COL5A3: variants seen among roughly 807,000 people sequenced by gnomAD.
COL5A3 encodes the protein collagen alpha-3(V) chain.
COL5A3 carries 172 observed loss-of-function variants against 250.0 expected under a neutral mutation model. The observed-to-expected ratio is 0.69, with a 90% CI of 0.61 to 0.78. The LOEUF (loss-of-function observed/expected upper bound fraction) is 0.78, where lower values mean the gene tolerates loss of function less well. Ranked by LOEUF, COL5A3 falls within the 30% of genes least tolerant of loss-of-function variation. The pLI is 0.00. For synonymous variants in COL5A3, 937 were observed against 900.4 expected, an observed-to-expected ratio of 1.04 and a Z score of -0.73; for missense variants, 2,340 against 2,334.4, an observed-to-expected ratio of 1.00 and a Z score of -0.05.
chr19:9,985,803 G>A (rs1219770512), intron 31 of COL5A3, 39 bp downstream of exon 31: 1 of 1,574,218 alleles, frequency 6.4e-7, no homozygotes, highest in Non-Finnish European at 8.7e-7. Flanking sequence ...TCTGAATCCT[G>A]CCCATATCCA....
intron 8 of COL5A3, among the ~76,000 whole-genome samples, chr19:10,000,528 C>G (rs1242400771): frequency 7.0e-6 from 1 of 142,142 alleles, no homozygotes; most frequent in African/African-American, 2.6e-5. Flanking sequence ...AAACTCCTGG[C>G]CTCAAGCGAT....
At chr19:10,006,293 G>A in intron 1 of COL5A3, 62 bp from the exon 2 acceptor site, 6 of 1,482,362 alleles carry the variant, frequency 4.0e-6, no homozygotes, top group Non-Finnish European at 5.4e-6. Context: ...ATAAGCCCAG[G>A]ACTCCAGGAT....
rs577347857 is a variant in COL5A3, at chr19:10,009,495, G to C, written c.88+803C>G. Among the ~76,000 whole-genome samples, 73 of 152,028 alleles carry C rather than the reference G, an allele frequency of 4.8e-4. No homozygotes were observed. The highest frequency in any genetic ancestry group is 6.8e-3 in the Middle Eastern group (2 of 292). On this transcript the variant is annotated intron_variant, in intron 1 of 66. Coordinates refer to ENST00000264828, the MANE Select transcript of COL5A3 (RefSeq NM_015719.4). The surrounding 1 kb of genome is among the most constrained non-coding windows in gnomAD (Gnocchi z 4.4). ...AGGCTCCAGCAGCTGGGGTGGGGAG[G>C]GGGGGAGCAACTTCCACTCCTGCCC...
intron 8 of COL5A3, among the ~76,000 whole-genome samples, chr19:9,999,034 T>TTC (rs571564568): frequency 0.17 from 17,756 of 101,900 alleles, 1,132 homozygotes; most frequent in African/African-American, 0.23. Context: ...TTCTCTTTCT[T>TTC]TTTCTTTCTC....
At chr19:9,992,132 G>A in intron 21 of COL5A3, 84 bp from the exon 22 acceptor site, 1 of 1,220,372 alleles carries the variant, frequency 8.2e-7, no homozygotes, top group Non-Finnish European at 1.2e-6. Flanking sequence ...CAGGTGGAAA[G>A]GTGAGCAGGG....
Position 10,006,074 on chromosome 19 carries a change from T to C in COL5A3, c.246A>G (p.Pro82=), listed in dbSNP as rs1368088430. The change falls in exon 2 of 67, where the codon CCA becomes CCG. Residue 82 remains proline (P), a splice_region_variant and synonymous_variant. Transcript: ENST00000264828. ...TLGIPTWELF[P]EGHFPENFSL... is the part of the protein sequence containing the mutation. The stretch of plus-strand genomic sequence containing the variant: ...CCCAGGCCTCCTACTCCAACTCACC[T>C]GGAAAGAGTTCCCACGTGGGGATGC... 1.9e-6 allele frequency: 3 copies of C among 1,613,780 alleles called. No individual in the cohort carries two copies. In the Admixed American group the frequency reaches 5.0e-5, roughly 27 times the overall value.
chr19:10,001,948 T>C, intron 6 of COL5A3, 67 bp from the exon 7 acceptor site: 1 of 1,114,904 alleles, frequency 9.0e-7, no homozygotes, highest in African/African-American at 1.5e-5. Context: ...GGAGGCACCC[T>C]CCCACTGTCC....
Position 9,966,755 on chromosome 19 carries a change from AG to A in COL5A3, c.4459-10del, listed in dbSNP as rs1260745243. 1 of 1,516,222 alleles carries A rather than the reference AG, an allele frequency of 6.6e-7. No homozygotes were observed. Among genetic ancestry groups the A allele is most frequent in the Admixed American group, 2.0e-5 (1 of 50,412 alleles). The allele number at this position is 1,516,222 out of a possible 1,614,324, so 93.9% of individuals were successfully genotyped here. ...AGCTCGGCAGGGGCACCCTGGGCGT[AG>A]GGGATGGGGACGGAGAAGAGAGGGG... On this transcript the variant is annotated splice_polypyrimidine_tract_variant and intron_variant, in intron 62 of 66. Coordinates refer to ENST00000264828, the MANE Select transcript of COL5A3 (RefSeq NM_015719.4).
At chr19:10,005,175 G>C (rs898720602) in intron 4 of COL5A3, among the ~76,000 whole-genome samples, 1 of 152,102 alleles carries the variant, frequency 6.6e-6, no homozygotes, top group Non-Finnish European at 1.5e-5. Flanking sequence ...TGGCCAACGT[G>C]TCAAAACCTT....
chr19:9,961,770 G>T (rs1276461475), intron 65 of COL5A3, among the ~76,000 whole-genome samples: 1 of 152,038 alleles, frequency 6.6e-6, no homozygotes, highest in African/African-American at 2.4e-5. Flanking sequence ...ATGTTAGCCA[G>T]GATGGTCTCG....
In COL5A3 at chr19:9,982,087, G is replaced by A. The variant is rs746421932; in HGVS notation, c.2438C>T (p.Pro813Leu). The A allele has an allele frequency of 2.5e-6, 4 of 1,608,176 alleles. No homozygotes were observed. The South Asian group carries it at 4.4e-5, about 18-fold the overall frequency. The change falls in exon 32 of 67, where the codon CCC (proline) becomes CTC (leucine). Residue 813 changes from proline to leucine, a missense_variant. By Grantham distance (98) the Pro-to-Leu change is moderately conservative. Transcript: ENST00000264828. Reference protein sequence around the residue: ...GSIGFPGPLGPIGEKGKSGKT... With the variant: ...GSIGFPGPLGLIGEKGKSGKT... The stretch of plus-strand genomic sequence containing the variant: ...CACCGACTTCCCTTTCTCTCCTATG[G>A]GTCCCAGGGGACCGGGAAATCCAAT...
At chr19:9,985,291 G>A (rs10425985) in intron 31 of COL5A3, among the ~76,000 whole-genome samples, 4,033 of 130,824 alleles carry the variant, frequency 0.031, 183 homozygotes, top group African/African-American at 0.11. Context: ...ATGGAGTTTC[G>A]TTCTTGTTGC....
At chr19:9,989,936 G>C (rs2087161417) in intron 24 of COL5A3, among the ~76,000 whole-genome samples, 2 of 151,864 alleles carry the variant, frequency 1.3e-5, no homozygotes, top group South Asian at 4.2e-4. Flanking sequence ...AATTTTATTA[G>C]AGATGGAGTT....
chr19:9,963,805 G>GC (rs2086703589), intron 64 of COL5A3, among the ~76,000 whole-genome samples: 2 of 152,134 alleles, frequency 1.3e-5, no homozygotes, highest in South Asian at 4.1e-4. Flanking sequence ...GGAAGTCCAA[G>GC]CTTGTCTAAA....
chr19:10,001,732 A>G (rs1462901812), intron 7 of COL5A3, 36 bp downstream of exon 7: 1 of 1,611,540 alleles, frequency 6.2e-7, no homozygotes, highest in Non-Finnish European at 8.5e-7. Flanking sequence ...CACCCCCGTA[A>G]CCCTTGGGGT....
rs573609181 is a variant in COL5A3, at chr19:9,970,786, C to G, written c.3883-111G>C. 5 of 1,046,762 alleles carry G rather than the reference C, an allele frequency of 4.8e-6. No individual in the cohort carries two copies. In the East Asian group the frequency reaches 1.3e-4, roughly 26 times the overall value. The allele number at this position is 1,046,762 out of a possible 1,614,324, so 64.8% of individuals were successfully genotyped here. A position where few individuals can be genotyped will look rare whatever the true frequency, so the allele number is the denominator to read the frequency against. ...CCTTCCCCAAGCCTCACCCCAGCACCGGGTACTCCCACCTCCCACCTACTC... is the reference window on the plus strand; with the variant it reads ...CCTTCCCCAAGCCTCACCCCAGCACGGGGTACTCCCACCTCCCACCTACTC... On this transcript the variant is annotated intron_variant, in intron 53 of 66. Transcript: ENST00000264828.
chr19:10,003,021 G>A (rs1250122227), intron 6 of COL5A3, among the ~76,000 whole-genome samples: 1 of 152,082 alleles, frequency 6.6e-6, no homozygotes, highest in Non-Finnish European at 1.5e-5. Flanking sequence ...CCAGCTAGGT[G>A]CAGCCCAAAC....
At chr19:10,001,349 G>C (rs779538089) in intron 8 of COL5A3, among the ~76,000 whole-genome samples, 175 bp downstream of exon 8, 1 of 152,050 alleles carries the variant, frequency 6.6e-6, no homozygotes, top group Non-Finnish European at 1.5e-5. Context: ...ATTTCACCAC[G>C]TTGGTCAGGC....
chr19:9,982,231 C>T (rs1365242303), intron 31 of COL5A3, 113 bp from the exon 32 acceptor site: 1 of 697,476 alleles, frequency 1.4e-6, no homozygotes, highest in African/African-American at 1.8e-5. Context: ...CCAGAAGCTT[C>T]CTTGGTCTCT....
Sources: gnomAD v4.1 joint callset for allele counts (sites outside exome capture counted in the v4.1 genomes callset) on GRCh38, gnomAD v4.1.1 for gene constraint, Gnocchi (gnomAD v3.1) non-coding constraint, MANE v1.5 for transcripts, NCBI Gene and HGNC (gene_info 2026-07-23, HGNC 2026-07-21) for gene names.